KYNU: variants seen among roughly 807,000 people sequenced by gnomAD.
The protein encoded by KYNU is kynureninase, also known as L-kynurenine hydrolase.
Under a neutral mutation model 59.2 loss-of-function variants are expected in KYNU, and 54 were observed. The observed-to-expected ratio is 0.91, with a 90% CI of 0.73 to 1.14. The LOEUF is 1.14. KYNU is among the 50% of genes most tolerant of loss of function. The pLI, the probability that KYNU is intolerant of heterozygous loss-of-function variation, is 0.00. For missense variants in KYNU, 567 were observed against 554.4 expected (o/e 1.02, Z -0.23); for synonymous variants, 177 against 192.0 (o/e 0.92, Z 0.65).
intron 2 of KYNU, among the ~76,000 whole-genome samples, chr2:142,911,443 G>T (rs1284829640): frequency 1.3e-5 from 2 of 152,148 alleles, no homozygotes; most frequent in Non-Finnish European, 2.9e-5. Flanking sequence ...TTGTGTAGCA[G>T]TTCTAGGAGA....
intron 8 of KYNU, chr2:142,967,213 TTGAATGAA>T (rs368316193): frequency 1.3e-5 from 2 of 152,110 alleles, no homozygotes; most frequent in African/African-American, 4.8e-5. Context: ...TAAGTATTTG[TTGAATGAA>T]TGAATGAATG....
At chr2:142,909,164 T>TTC (rs1402310772) in intron 2 of KYNU, among the ~76,000 whole-genome samples, 1 of 151,814 alleles carries the variant, frequency 6.6e-6, no homozygotes, top group African/African-American at 2.4e-5. Context: ...ATATCAAGTT[T>TTC]TTTTTTTTGT....
In KYNU at chr2:143,011,109, A is replaced by G; in HGVS notation, c.903-18518A>G. Reference sequence around the variant, plus strand: ...CTTCTGCACAGCCAAAGAAACTACCATCAGAGTGAACAGGCAACCTACAAA... The same window carrying G: ...CTTCTGCACAGCCAAAGAAACTACCGTCAGAGTGAACAGGCAACCTACAAA... On this transcript the variant is annotated intron_variant, in intron 10 of 13. Transcript: ENST00000264170. Among the ~76,000 whole-genome samples, 2 of 146,158 alleles carry G rather than the reference A, an allele frequency of 1.4e-5. 1 individual carries two copies. Among genetic ancestry groups the G allele is most frequent in the Non-Finnish European group, 3.0e-5 (2 of 67,014 alleles).
chr2:142,900,994 A>G (rs1299723172), intron 2 of KYNU, among the ~76,000 whole-genome samples: 2 of 151,128 alleles, frequency 1.3e-5, no homozygotes, highest in African/African-American at 4.9e-5. Flanking sequence ...TGGAGCTTGC[A>G]GTGAGCCGAG....
rs1686807567 is a variant in KYNU, at chr2:143,033,219, T to C, written c.956-17T>C. The C allele has an allele frequency of 2.0e-6, 3 of 1,537,000 alleles. No homozygotes were observed. The highest frequency in any genetic ancestry group is 2.7e-6 in the Non-Finnish European group (3 of 1,109,664). On this transcript the variant is annotated splice_polypyrimidine_tract_variant and intron_variant, in intron 11 of 13. Transcript: ENST00000264170. ...AAAGTTACCTTCTATGATAATGACA[T>C]GATATTAATTTCTCAGAACTGCAGT...
intron 8 of KYNU, among the ~76,000 whole-genome samples, chr2:142,979,409 G>A (rs1684986218): frequency 1.3e-5 from 2 of 152,084 alleles, no homozygotes; most frequent in South Asian, 2.1e-4. Flanking sequence ...CTGTGTGAGA[G>A]AAGACAGTAA....
At chr2:143,013,659 G>A (rs2105207143) in intron 10 of KYNU, among the ~76,000 whole-genome samples, 1 of 152,252 alleles carries the variant, frequency 6.6e-6, no homozygotes, top group South Asian at 2.1e-4. Flanking sequence ...AGGAAATTTG[G>A]TCTTGTAACT....
intron 11 of KYNU, among the ~76,000 whole-genome samples, chr2:143,029,887 G>A (rs1686693796): frequency 6.6e-6 from 1 of 152,126 alleles, no homozygotes; most frequent in Admixed American, 6.6e-5. Context: ...TCCCTTAGCA[G>A]GGAGATAAAA....
At chr2:143,032,711 T>TGTGTGTGTG (rs1686787027) in intron 11 of KYNU, among the ~76,000 whole-genome samples, 1 of 129,370 alleles carries the variant, frequency 7.7e-6, no homozygotes, top group African/African-American at 2.9e-5. Context: ...GCTCCCTCTA[T>TGTGTGTGTG]TGTGTGTGTG....
intron 10 of KYNU, among the ~76,000 whole-genome samples, chr2:143,022,837 T>C (rs74413203): frequency 0.028 from 4,271 of 152,108 alleles, 96 homozygotes; most frequent in Middle Eastern, 0.044. Flanking sequence ...GTGAATATCC[T>C]TCTGCATATG....
chr2:142,880,253 T>C (rs1681246918), intron 1 of KYNU, among the ~76,000 whole-genome samples: 1 of 152,190 alleles, frequency 6.6e-6, no homozygotes, highest in African/African-American at 2.4e-5. Context: ...AATATGTTTG[T>C]AGTAAGACTA....
intron 2 of KYNU, 113 bp from the exon 3 acceptor site, chr2:142,918,496 T>G (rs748763690): frequency 8.5e-7 from 1 of 1,182,276 alleles, no homozygotes; most frequent in African/African-American, 1.6e-5. Flanking sequence ...AATTTTTAAT[T>G]ACTTTTTATC....
chr2:143,045,540 T>A lies in KYNU; in HGVS notation c.*3368T>A, dbSNP rs2104931179. 1 of 152,308 alleles carries A rather than the reference T, an allele frequency of 6.6e-6. No individual in the cohort carries two copies. Among genetic ancestry groups the A allele is most frequent in the Non-Finnish European group, 1.5e-5 (1 of 68,026 alleles). The allele number at this position is 152,308 out of a possible 1,614,324, so 9.4% of individuals were successfully genotyped here. A position where few individuals can be genotyped will look rare whatever the true frequency, so the allele number is the denominator to read the frequency against. ...TGGTTTGTAGTTCTCATTGAAGTAG[T>A]CCTTCACATCCCTTGTAAGTTGTAT... is the stretch of plus-strand genomic sequence containing the variant. On this transcript the variant is annotated 3_prime_UTR_variant, in exon 14 of 14. Coordinates refer to ENST00000264170, the MANE Select transcript of KYNU (RefSeq NM_003937.3).
intron 10 of KYNU, among the ~76,000 whole-genome samples, chr2:143,003,422 TAATAA>T (rs150070646): frequency 0.052 from 7,910 of 151,900 alleles, 533 homozygotes; most frequent in African/African-American, 0.16. Flanking sequence ...AAAATCATAA[TAATAA>T]AATAAAATAG....
intron 2 of KYNU, among the ~76,000 whole-genome samples, chr2:142,911,609 T>C (rs1340491201): frequency 1.3e-5 from 2 of 152,112 alleles, no homozygotes; most frequent in African/African-American, 4.8e-5. Flanking sequence ...GTGGGAGATA[T>C]CTTTGATTTG....
intron 3 of KYNU, among the ~76,000 whole-genome samples, chr2:142,923,616 C>A (rs1278352445): frequency 1.3e-5 from 2 of 152,072 alleles, no homozygotes; most frequent in East Asian, 3.9e-4. Context: ...AATCATAATG[C>A]CACAATTCAG....
chr2:143,026,330 T>G (rs543586281), intron 10 of KYNU, among the ~76,000 whole-genome samples: 1 of 152,374 alleles, frequency 6.6e-6, no homozygotes, highest in African/African-American at 2.4e-5. Context: ...TTCAGATGGT[T>G]TCGACACTGA....
rs1176090057 is a variant in KYNU at position 143,048,989 on chromosome 2, T to G, written c.*6817T>G. 5 of 152,216 alleles carry G rather than the reference T, an allele frequency of 3.3e-5. No individual in the cohort carries two copies. The highest frequency in any genetic ancestry group is 1.9e-4 in the East Asian group (1 of 5,202). 9.4% of individuals were successfully genotyped at this position (152,216 alleles called of 1,614,324 possible). ...TTATGATGTGTCTAGGCAGTTATTA[T>G]TGTGTTTATTCTATTTCTTTATTTG... On this transcript the variant is annotated 3_prime_UTR_variant, in exon 14 of 14. Transcript: ENST00000264170.
chr2:143,035,706 C>T (rs1686876073), intron 12 of KYNU, among the ~76,000 whole-genome samples: 1 of 152,176 alleles, frequency 6.6e-6, no homozygotes, highest in Admixed American at 6.5e-5. Context: ...ATCCTCCTGC[C>T]CCCACCTTCC....
Sources: gnomAD v4.1 joint callset for allele counts (sites outside exome capture counted in the v4.1 genomes callset) on GRCh38, gnomAD v4.1.1 for gene constraint, MANE v1.5 for transcripts, NCBI Gene and HGNC (gene_info 2026-07-23, HGNC 2026-07-21) for gene names.